Variants in ERI2 observed in about 807,000 individuals in gnomAD.
ERI2 encodes ERI1 exoribonuclease family member 2, also known as ERI1 exoribonuclease 2.
ERI2 carries 35 observed loss-of-function variants against 46.8 expected under a neutral mutation model. That is an observed-to-expected ratio of 0.75 (90% CI 0.57 to 0.99). The LOEUF (loss-of-function observed/expected upper bound fraction) is 0.99, where lower values mean the gene tolerates loss of function less well. Among genes scored for constraint, ERI2 ranks in the 50% least tolerant of loss-of-function variants. ERI2 has a pLI of 0.00. For synonymous variants in ERI2, 224 were observed against 271.0 expected (o/e 0.83, Z 1.70); for missense variants, 695 against 796.2 (o/e 0.87, Z 1.53).
intron 10 of ERI2, among the ~76,000 whole-genome samples, chr16:20,783,805 C>T (rs969230670): frequency 3.9e-5 from 4 of 102,958 alleles, no homozygotes; most frequent in Non-Finnish European, 7.8e-5. Flanking sequence ...GTGTTCTCCC[C>T]GTCTCAATTT....
intron 10 of ERI2, among the ~76,000 whole-genome samples, chr16:20,784,270 A>G (rs1017353659): frequency 6.6e-5 from 10 of 152,198 alleles, no homozygotes; most frequent in African/African-American, 2.4e-4. Context: ...TAAAAATTCA[A>G]TTCCTCAGTT....
rs946957876 is a variant in ERI2, at chr16:20,790,836, A to G, written c.815+14T>C. ...CTGAATAGTAATCCAAAAGACAAGA[A>G]ATTGAAGAAATACCCAAATTCTTGC... On this transcript the variant is annotated intron_variant, in intron 9 of 10. Coordinates refer to the ERI2 transcript ENST00000300005. This position sits in a 1 kb window ranked among gnomAD's most constrained non-coding sequence, Gnocchi z 4.0. The G allele has an allele frequency of 1.2e-6, 2 of 1,614,036 alleles. No individual in the cohort carries two copies. The highest frequency in any genetic ancestry group is 1.7e-6 in the Non-Finnish European group (2 of 1,179,962).
chr16:20,791,541 T>C (rs1016837468), downstream of ERI2, among the ~76,000 whole-genome samples: 13 of 152,376 alleles, frequency 8.5e-5, no homozygotes, highest in African/African-American at 2.9e-4. Context: ...AGCTCCATGC[T>C]GGAATTTCAT....
intron 10 of ERI2, among the ~76,000 whole-genome samples, chr16:20,788,105 TTTA>T (rs1435075666): frequency 2.6e-5 from 4 of 152,176 alleles, no homozygotes; most frequent in Admixed American, 6.5e-5. Flanking sequence ...TATTTATTTA[TTTA>T]TTTTTTTATT....
Position 20,790,447 on chromosome 16 carries a change from AC to A in ERI2, c.815+402del, listed in dbSNP as rs2080571681. ...ACTCCAGCCTGGGTGACAAAGTGAG[AC>A]CTTGTCTCACACACACAAAATTTTT... On this transcript the variant is annotated intron_variant, in intron 9 of 10. Coordinates refer to the ERI2 transcript ENST00000300005. This position sits in a 1 kb window ranked among gnomAD's most constrained non-coding sequence, Gnocchi z 4.0. 4.1e-6 allele frequency: 3 copies of A among 733,696 alleles called. No individual in the cohort carries two copies. The Admixed American group carries it at 8.0e-5, about 20-fold the overall frequency. 45.4% of individuals were successfully genotyped at this position (733,696 alleles called of 1,614,324 possible).
chr16:20,789,836 G>A (rs571087355), intron 9 of ERI2, among the ~76,000 whole-genome samples: 1 of 151,864 alleles, frequency 6.6e-6, no homozygotes, highest in Non-Finnish European at 1.5e-5. Context: ...ACCATGCCTG[G>A]CTAATTTTTC....
chr16:20,800,325 T>C lies in ERI2; in HGVS notation c.538A>G (p.Ile180Val), dbSNP rs2080783126. 6.2e-7 allele frequency: 1 copy of C among 1,610,080 alleles called. No individual in the cohort carries two copies. The highest frequency in any genetic ancestry group is 8.5e-7 in the Non-Finnish European group (1 of 1,177,638). ...ACCTTGTAAGTTGCTCTGAGATCAA[T>C]CCAAGAATTTAAAAACACAGGTTTT... ...LLKPVFLNSWIDLRATYKLFY... is the reference protein window; with the variant it reads ...LLKPVFLNSWVDLRATYKLFY... Residue 180 changes from isoleucine to valine, a missense_variant, in exon 6 of 9, where the codon ATT (isoleucine) becomes GTT (valine). By Grantham distance (29) the Ile-to-Val change is conservative. Coordinates refer to ENST00000357967, the MANE Select transcript of ERI2 (RefSeq NM_001142725.2).
At chr16:20,795,550 G>T (rs936960521), downstream of ERI2, among the ~76,000 whole-genome samples, 5 of 152,318 alleles carry the variant, frequency 3.3e-5, no homozygotes, top group East Asian at 5.8e-4. Flanking sequence ...CTGGACAAAC[G>T]AATCCTTGAA....
exon 11 of ERI2, chr16:20,780,554 T>C (rs995529546): frequency 8.8e-6 from 13 of 1,478,246 alleles, no homozygotes; most frequent in Non-Finnish European, 1.1e-5. Flanking sequence ...CCTAAAAGGA[T>C]AGAGAAAGTG....
At chr16:20,794,964 G>A (rs2080689218), downstream of ERI2, among the ~76,000 whole-genome samples, 1 of 152,174 alleles carries the variant, frequency 6.6e-6, no homozygotes, top group Non-Finnish European at 1.5e-5. Context: ...ATGTGAACCA[G>A]TATTGCAGTT....
At chr16:20,781,604 A>G in intron 10 of ERI2, 1 of 884,548 alleles carries the variant, frequency 1.1e-6, no homozygotes. Context: ...GAATGTATTT[A>G]CATTAACATA....
chr16:20,793,425 T>C (rs966565026), downstream of ERI2, among the ~76,000 whole-genome samples: 3 of 152,170 alleles, frequency 2.0e-5, no homozygotes, highest in Non-Finnish European at 4.4e-5. Flanking sequence ...GCCAAGATCG[T>C]GCCACTGTGC....
Position 20,798,927 on chromosome 16 carries a change from T to C in ERI2, c.873A>G (p.Glu291=). 6.4e-7 allele frequency: 1 copy of C among 1,551,256 alleles called. No homozygotes were observed. Among genetic ancestry groups the C allele is most frequent in the Non-Finnish European group, 8.7e-7 (1 of 1,146,836 alleles). ...CACAAATTGACTTCATTTGAACTTT[T>C]TCATGAGGATTTATTATATTTTTAG... The part of the protein sequence containing the change: ...KEPKNIINPH[E]KVQMKSICAN... Residue 291 remains glutamate, a synonymous_variant, in exon 9 of 9, where the codon GAA becomes GAG. Transcript: ENST00000357967.
chr16:20,786,268 C>G, intron 10 of ERI2: 1 of 1,461,008 alleles, frequency 6.8e-7, no homozygotes, highest in Middle Eastern at 1.8e-4. Flanking sequence ...TTCCATTTTA[C>G]TTCCATGATA....
At chr16:20,796,280 G>C (rs1049544440), downstream of ERI2, 9 of 1,539,188 alleles carry the variant, frequency 5.8e-6, no homozygotes, top group Non-Finnish European at 7.8e-6. Context: ...ACCCCACCAG[G>C]CATGTAGATT....
At chr16:20,781,686 G>A in intron 10 of ERI2, 3 of 1,578,510 alleles carry the variant, frequency 1.9e-6, no homozygotes, top group Non-Finnish European at 2.6e-6. Flanking sequence ...AAGACCAAGA[G>A]TTTGCTTTTT....
intron 10 of ERI2, among the ~76,000 whole-genome samples, chr16:20,781,316 C>T (rs1345168214): frequency 6.6e-6 from 1 of 152,086 alleles, no homozygotes; most frequent in Non-Finnish European, 1.5e-5. Context: ...GTTCTGCAGC[C>T]TCTGATTCTG....
At chr16:20,781,653 TA>T (rs1226345970) in intron 10 of ERI2, 1 of 1,303,978 alleles carries the variant, frequency 7.7e-7, no homozygotes, top group East Asian at 2.3e-5. Flanking sequence ...CAAAGACATT[TA>T]AGCACTTATT....
At chr16:20,801,479 A>T in intron 4 of ERI2, 120 bp from the exon 5 acceptor site, 1 of 1,119,978 alleles carries the variant, frequency 8.9e-7, no homozygotes, top group Non-Finnish European at 1.2e-6. Flanking sequence ...AAGTCATGAA[A>T]ACACAGTGTA....
Sources: gnomAD v4.1 joint callset for allele counts (sites outside exome capture counted in the v4.1 genomes callset) on GRCh38, gnomAD v4.1.1 for gene constraint, Gnocchi (gnomAD v3.1) non-coding constraint, MANE v1.5 for transcripts, NCBI Gene and HGNC (gene_info 2026-07-23, HGNC 2026-07-21) for gene names.